ARID5B: variants seen among roughly 807,000 people sequenced by gnomAD.
The protein encoded by ARID5B is AT-rich interactive domain-containing protein 5B.
A neutral mutation model predicts 97.2 loss-of-function variants in ARID5B; 13 were observed. The ratio of observed to expected loss-of-function variants is 0.13; its 90% CI spans 0.09 to 0.21. The LOEUF (loss-of-function observed/expected upper bound fraction) is 0.21, where lower values mean the gene tolerates loss of function less well. Ranked by LOEUF, ARID5B falls within the 10% of genes least tolerant of loss-of-function variation. ARID5B has a pLI of 1.00. For missense variants in ARID5B, 1,210 were observed against 1,465.3 expected (o/e 0.83, Z 2.84); for synonymous variants, 556 against 570.3 (o/e 0.97, Z 0.36).
At chr10:61,966,575 T>C (rs1470301334) in intron 3 of ARID5B, among the ~76,000 whole-genome samples, 1 of 152,178 alleles carries the variant, frequency 6.6e-6, no homozygotes, top group East Asian at 1.9e-4. Context: ...TGTTTTTACA[T>C]GGACCAAATA....
At chr10:62,044,227 A>G (rs1217742783) in intron 4 of ARID5B, among the ~76,000 whole-genome samples, 1 of 152,144 alleles carries the variant, frequency 6.6e-6, no homozygotes, top group Non-Finnish European at 1.5e-5. Flanking sequence ...TTTATATCGC[A>G]TGATATCCAG....
At chr10:62,065,092 C>T (rs974284985) in intron 7 of ARID5B, among the ~76,000 whole-genome samples, 2 of 152,132 alleles carry the variant, frequency 1.3e-5, no homozygotes, top group Non-Finnish European at 2.9e-5. Flanking sequence ...CGGTTTGAAA[C>T]CCACTATATT....
At chr10:62,050,722 T>C (rs1229978182) in intron 4 of ARID5B, among the ~76,000 whole-genome samples, 166 bp from the exon 5 acceptor site, 5 of 152,230 alleles carry the variant, frequency 3.3e-5, no homozygotes, top group African/African-American at 4.8e-5. Flanking sequence ...TCTACCAATA[T>C]GCAAGCCTTC....
Position 62,093,030 on chromosome 10 carries a change from G to A in ARID5B, c.3567G>A (p.Ter1189=), listed in dbSNP as rs1280550061. ...CCGTGCACCCCAGTACAAAACTGTA[G>A]GCTCAGCTCTGCCCAGCAGTCCAAA... The part of the protein sequence containing the change: ...LSSVHPSTKL[*] The change falls in exon 10 of 10, where the codon TAG becomes TAA. Residue 1189 remains the stop codon, a stop_retained_variant. Transcript: ENST00000279873. The A allele has an allele frequency of 1.2e-6, 2 of 1,602,454 alleles. No individual in the cohort carries two copies. Among genetic ancestry groups the A allele is most frequent in the African/African-American group, 2.7e-5 (2 of 74,828 alleles).
intron 2 of ARID5B, among the ~76,000 whole-genome samples, chr10:61,930,485 G>C (rs1197027178): frequency 9.2e-5 from 14 of 152,050 alleles, no homozygotes; most frequent in Admixed American, 4.6e-4. Flanking sequence ...CTTTGGGAGG[G>C]CGAGGCGGGC....
rs1843628939 is a variant in ARID5B at position 61,902,242 on chromosome 10, T to G, written c.105T>G (p.Ile35Met). 6.2e-7 allele frequency: 1 copy of G among 1,613,978 alleles called. No individual in the cohort carries two copies. The highest frequency in any genetic ancestry group is 1.1e-5 in the South Asian group (1 of 91,084). The stretch of plus-strand genomic sequence containing the variant: ...TCCACCTTGAAGGCAAACCAAGAAT[T>G]TTGTCCCTTGGCGACTTTTTCTTTG... Reference protein sequence around the residue: ...FQFHLEGKPRILSLGDFFFVR... With the variant: ...FQFHLEGKPRMLSLGDFFFVR... Residue 35 changes from isoleucine to methionine, a missense_variant, in exon 2 of 10, where the codon ATT becomes ATG. Around this residue, in one of 8 missense-constraint regions of ARID5B, gnomAD observed 80 missense variants for 133.2 expected, o/e 0.60. Transcript: ENST00000279873.
intron 3 of ARID5B, among the ~76,000 whole-genome samples, chr10:61,983,112 C>T (rs1324007166): frequency 6.6e-6 from 1 of 152,118 alleles, no homozygotes; most frequent in Non-Finnish European, 1.5e-5. Flanking sequence ...GTTGGAAGTC[C>T]TGTAAGTTTC....
intron 2 of ARID5B, among the ~76,000 whole-genome samples, chr10:61,932,856 G>A (rs921776319): frequency 1.3e-5 from 2 of 152,286 alleles, no homozygotes; most frequent in Non-Finnish European, 2.9e-5. Flanking sequence ...AGCACTTCGG[G>A]AGGATGAGGA....
At chr10:61,990,398 C>G (rs1838907720) in intron 3 of ARID5B, among the ~76,000 whole-genome samples, 1 of 152,210 alleles carries the variant, frequency 6.6e-6, no homozygotes, top group Middle Eastern at 3.2e-3. Context: ...GCCTGCCAGG[C>G]AGTGGCTACA....
At chr10:61,903,681 C>T (rs981110852) in intron 2 of ARID5B, among the ~76,000 whole-genome samples, 2 of 152,206 alleles carry the variant, frequency 1.3e-5, no homozygotes, top group Non-Finnish European at 2.9e-5. Flanking sequence ...TCCCGTTTAA[C>T]TCATCCCGGG....
intron 4 of ARID5B, among the ~76,000 whole-genome samples, chr10:62,050,031 A>G (rs964626578): frequency 2.6e-5 from 4 of 152,180 alleles, no homozygotes; most frequent in Non-Finnish European, 5.9e-5. Context: ...CTGATGCCGG[A>G]TAGTCATAGC....
rs184965742 is a variant in ARID5B at position 61,934,486 on chromosome 10, G to A, written c.277-5697G>A. 5.9e-5 allele frequency among the ~76,000 whole-genome samples: 9 copies of A among 152,276 alleles called. No homozygotes were observed. The East Asian group carries it at 1.7e-3, about 29-fold the overall frequency. ...ATTATTTCTAGCTTTTGATTTAAAG[G>A]GAGAGGCATGGGACTCCTACTTTCA... On this transcript the variant is annotated intron_variant, in intron 2 of 9. Coordinates refer to ENST00000279873, the MANE Select transcript of ARID5B (RefSeq NM_032199.3).
chr10:62,002,661 T>G (rs952226270), intron 4 of ARID5B, among the ~76,000 whole-genome samples: 1 of 152,168 alleles, frequency 6.6e-6, no homozygotes, highest in African/African-American at 2.4e-5. Flanking sequence ...TGGGTTAAAG[T>G]GTTTGTTAAA....
intron 3 of ARID5B, among the ~76,000 whole-genome samples, chr10:61,999,159 G>A (rs868051203): frequency 4.6e-5 from 7 of 152,300 alleles, no homozygotes; most frequent in South Asian, 4.1e-4. Context: ...CCCAAAAGGA[G>A]AACAGGAAAT....
chr10:62,083,031 A>G (rs140889282), intron 8 of ARID5B, among the ~76,000 whole-genome samples: 2,050 of 152,010 alleles, frequency 0.013, 25 homozygotes, highest in Non-Finnish European at 0.018. Context: ...GGGGGGAAAA[A>G]ACACTCGGTT....
intron 7 of ARID5B, among the ~76,000 whole-genome samples, chr10:62,067,275 G>T (rs936164443): frequency 2.0e-5 from 3 of 152,124 alleles, no homozygotes; most frequent in African/African-American, 7.2e-5. Context: ...TAGAGACGGG[G>T]TTTCTCCATG....
chr10:62,086,002 G>A, intron 9 of ARID5B, 102 bp downstream of exon 9: 3 of 1,261,518 alleles, frequency 2.4e-6, no homozygotes, highest in Non-Finnish European at 3.3e-6. Flanking sequence ...ACAGTTGGAT[G>A]GCTTGATGAA....
intron 2 of ARID5B, among the ~76,000 whole-genome samples, chr10:61,932,109 C>T (rs1033048474): frequency 3.3e-5 from 5 of 152,118 alleles, no homozygotes; most frequent in African/African-American, 1.2e-4. Flanking sequence ...AAATGAATAT[C>T]GCAATAAAGC....
intron 4 of ARID5B, among the ~76,000 whole-genome samples, chr10:62,011,079 G>A (rs1839210907): frequency 1.3e-5 from 2 of 152,184 alleles, no homozygotes; most frequent in East Asian, 1.9e-4. Context: ...ATGGATCACT[G>A]GCTTACTGCA....
Sources: gnomAD v4.1 joint callset for allele counts (sites outside exome capture counted in the v4.1 genomes callset) on GRCh38, gnomAD v4.1.1 for gene constraint, gnomAD v4.1.1 regional missense constraint, MANE v1.5 for transcripts, NCBI Gene and HGNC (gene_info 2026-07-23, HGNC 2026-07-21) for gene names.